Variants in CNTNAP2 observed in about 807,000 individuals in gnomAD.
The protein encoded by CNTNAP2 is contactin associated protein 2.
In CNTNAP2, 98 loss-of-function variants were observed where a neutral mutation model predicts 155.2. The observed-to-expected ratio is 0.63, with a 90% CI of 0.54 to 0.75. The LOEUF is 0.75. CNTNAP2 is among the 30% of genes least tolerant of loss of function. CNTNAP2 has a pLI of 0.00. For synonymous variants in CNTNAP2, 651 were observed against 631.2 expected, an observed-to-expected ratio of 1.03 and a Z score of -0.47; for missense variants, 1,727 against 1,688.1, an observed-to-expected ratio of 1.02 and a Z score of -0.40.
chr7:147,848,985 A>T (rs764352194), intron 13 of CNTNAP2, among the ~76,000 whole-genome samples: 1 of 152,144 alleles, frequency 6.6e-6, no homozygotes, highest in Non-Finnish European at 1.5e-5. Context: ...CACATCACTT[A>T]TGCCAGGCTC....
intron 3 of CNTNAP2, among the ~76,000 whole-genome samples, chr7:146,928,845 G>C (rs1489994253): frequency 1.3e-5 from 2 of 152,216 alleles, no homozygotes; most frequent in African/African-American, 4.8e-5. Context: ...TAGCACAGCA[G>C]TCTGAGATCA....
chr7:147,634,984 C>T (rs1017194680), intron 12 of CNTNAP2, among the ~76,000 whole-genome samples: 3 of 152,176 alleles, frequency 2.0e-5, no homozygotes, highest in South Asian at 2.1e-4. Context: ...AGAACATTTG[C>T]ATTTGTATTT....
Position 147,515,014 on chromosome 7 carries a change from C to T in CNTNAP2, c.1777+28973C>T, listed in dbSNP as rs567365161. ...GCCTCCAAGGCCCTGAACTATACCT[C>T]GATGATCTTGGCTTCTACTGCCCTT... On this transcript the variant is annotated intron_variant, in intron 11 of 23. Transcript: ENST00000361727. 3.2e-4 allele frequency among the ~76,000 whole-genome samples: 48 copies of T among 152,286 alleles called. 1 individual carries two copies. The highest frequency in any genetic ancestry group is 2.2e-3 in the Admixed American group (33 of 15,294).
intron 1 of CNTNAP2, among the ~76,000 whole-genome samples, chr7:146,309,440 G>A (rs1800780155): frequency 1.3e-5 from 2 of 152,102 alleles, no homozygotes; most frequent in Admixed American, 6.5e-5. Flanking sequence ...ACAGCAGCAA[G>A]TAGATCTCAA....
At chr7:148,118,020 G>T (rs1425752349) in intron 15 of CNTNAP2, 98 bp from the exon 16 acceptor site, 25 of 1,251,256 alleles carry the variant, frequency 2.0e-5, no homozygotes, top group Non-Finnish European at 2.8e-5. Context: ...AATGACTATT[G>T]CTAATGGTAC....
At chr7:147,402,464 G>T (rs1359370507) in intron 10 of CNTNAP2, among the ~76,000 whole-genome samples, 1 of 152,186 alleles carries the variant, frequency 6.6e-6, no homozygotes, top group Non-Finnish European at 1.5e-5. Context: ...TAAGGTGACA[G>T]CTATTCCCAG....
At chr7:147,435,603 C>T (rs1290474268) in intron 10 of CNTNAP2, among the ~76,000 whole-genome samples, 4 of 152,226 alleles carry the variant, frequency 2.6e-5, no homozygotes, top group Non-Finnish European at 5.9e-5. Flanking sequence ...GTATAATTTG[C>T]CTTATTCCAT....
chr7:146,767,050 C>T (rs1214834319), intron 1 of CNTNAP2, among the ~76,000 whole-genome samples: 1 of 152,150 alleles, frequency 6.6e-6, no homozygotes, highest in Non-Finnish European at 1.5e-5. Flanking sequence ...ATTCCAATTC[C>T]ATTATCTTTA....
intron 1 of CNTNAP2, among the ~76,000 whole-genome samples, chr7:146,324,260 A>G (rs568063844): frequency 6.6e-6 from 1 of 152,286 alleles, no homozygotes; most frequent in East Asian, 1.9e-4. Context: ...ACTCTGTCTC[A>G]AAAGCAAAGC....
At chr7:147,585,570 A>G (rs61581405) in intron 12 of CNTNAP2, among the ~76,000 whole-genome samples, 11,126 of 151,134 alleles carry the variant, frequency 0.074, 876 homozygotes, top group African/African-American at 0.19. Flanking sequence ...ATAGCTATAG[A>G]TGATATTAAT....
intron 9 of CNTNAP2, among the ~76,000 whole-genome samples, chr7:147,359,104 T>C (rs1796107877): frequency 6.6e-6 from 1 of 152,208 alleles, no homozygotes; most frequent in African/African-American, 2.4e-5. Flanking sequence ...TAGTTTACTT[T>C]TCTGCATCTC....
chr7:146,712,143 TATATAGTATACATATCTTATGTATACAA>T (rs2129175377), intron 1 of CNTNAP2, among the ~76,000 whole-genome samples: 4 of 125,002 alleles, frequency 3.2e-5, no homozygotes, highest in East Asian at 2.4e-4. Flanking sequence ...TTATGTATAC[TATATAGTATACATATCTTATGTATACAA>T]ATATGTATAC....
intron 13 of CNTNAP2, among the ~76,000 whole-genome samples, chr7:147,648,856 A>C (rs571076124): frequency 1.3e-5 from 2 of 152,280 alleles, no homozygotes; most frequent in South Asian, 4.2e-4. Context: ...ATGTATATCT[A>C]TCCTATTAAA....
At chr7:147,782,021 T>TAA (rs11390927) in intron 13 of CNTNAP2, among the ~76,000 whole-genome samples, 2,805 of 137,796 alleles carry the variant, frequency 0.02, 82 homozygotes, top group African/African-American at 0.065. Flanking sequence ...AGATTCCGTT[T>TAA]AAAAAAAAAA....
intron 13 of CNTNAP2, among the ~76,000 whole-genome samples, chr7:147,876,069 T>A (rs1418802299): frequency 6.6e-6 from 1 of 152,190 alleles, no homozygotes; most frequent in Non-Finnish European, 1.5e-5. Context: ...GGGACCCAAA[T>A]AAGTTCCAAC....
chr7:148,244,252 G>C (rs1040714707), intron 20 of CNTNAP2, among the ~76,000 whole-genome samples: 2 of 152,198 alleles, frequency 1.3e-5, no homozygotes, highest in Non-Finnish European at 2.9e-5. Context: ...GTGAAATTAT[G>C]TTGGCACAGA....
intron 8 of CNTNAP2, among the ~76,000 whole-genome samples, chr7:147,197,324 C>A (rs1214018134): frequency 1.3e-5 from 2 of 152,020 alleles, no homozygotes; most frequent in Non-Finnish European, 2.9e-5. Context: ...AGTCCCTATG[C>A]TCGGGCCTGC....
At chr7:148,250,330 A>G (rs748474760) in intron 20 of CNTNAP2, among the ~76,000 whole-genome samples, 184 of 152,188 alleles carry the variant, frequency 1.2e-3, no homozygotes, top group Admixed American at 2.0e-3. Flanking sequence ...CTCCTACCAT[A>G]TTACATCATT....
In CNTNAP2 at chr7:147,325,257, G is replaced by A. The variant is rs75916013; in HGVS notation, c.1498+24967G>A. ...GGAGGTTGCAGTGAGCCGAGATCGC[G>A]CCACTACACTCCAGTCTGGGATGGG... On this transcript the variant is annotated intron_variant, in intron 9 of 23. Transcript: ENST00000361727. Among the ~76,000 whole-genome samples, 71 of 152,218 alleles carry A rather than the reference G, an allele frequency of 4.7e-4. No homozygotes were observed. The East Asian group carries it at 0.011, about 24-fold the overall frequency.
Sources: allele counts gnomAD v4.1 joint callset (sites outside exome capture counted in the v4.1 genomes callset), GRCh38; gene constraint gnomAD v4.1.1; transcripts MANE v1.5; gene names NCBI Gene and HGNC (gene_info 2026-07-23, HGNC 2026-07-21).